The following CSMD1 variants were observed in gnomAD, a reference collection of about 807,000 sequenced individuals.
The protein encoded by CSMD1 is CUB and sushi domain-containing protein 1.
In CSMD1, 213 loss-of-function variants were observed where a neutral mutation model predicts 417.5. The ratio of observed to expected loss-of-function variants is 0.51; its 90% CI spans 0.46 to 0.57. CSMD1 has a LOEUF of 0.57. Among genes scored for constraint, CSMD1 ranks in the 20% least tolerant of loss-of-function variants. The probability of loss-of-function intolerance (pLI) is 0.00; values close to 1 mark genes in which losing one functional copy is unlikely to be tolerated. For missense variants in CSMD1, 6,923 were observed against 4,529.7 expected (o/e 1.53, Z -15.17); for synonymous variants, 2,862 against 1,736.8 (o/e 1.65, Z -16.11).
intron 3 of CSMD1, among the ~76,000 whole-genome samples, chr8:4,092,739 C>T (rs1168858834): frequency 6.6e-6 from 1 of 152,090 alleles, no homozygotes; most frequent in East Asian, 1.9e-4. Context: ...TTAACTTCCA[C>T]ATTTTCTTTA....
chr8:3,508,584 G>A (rs1478978670), intron 10 of CSMD1, among the ~76,000 whole-genome samples: 2 of 151,954 alleles, frequency 1.3e-5, no homozygotes, highest in African/African-American at 4.8e-5. Flanking sequence ...TGAATGAACT[G>A]AGACACTTAT....
chr8:3,457,432 G>T (rs529253615), intron 12 of CSMD1, among the ~76,000 whole-genome samples: 1 of 152,190 alleles, frequency 6.6e-6, no homozygotes, highest in African/African-American at 2.4e-5. Flanking sequence ...CAAGAGAAAA[G>T]CAGAAGAAAC....
chr8:3,567,349 T>C (rs929408912), intron 10 of CSMD1, among the ~76,000 whole-genome samples: 6 of 151,936 alleles, frequency 3.9e-5, no homozygotes, highest in African/African-American at 1.5e-4. Context: ...GATGAATCTG[T>C]ACAACAAACC....
intron 2 of CSMD1, among the ~76,000 whole-genome samples, chr8:4,447,752 C>G (rs1486167209): frequency 6.6e-6 from 1 of 151,252 alleles, no homozygotes; most frequent in African/African-American, 2.5e-5. Flanking sequence ...ATTTAAGACT[C>G]TTTTGCAGTT....
intron 1 of CSMD1, among the ~76,000 whole-genome samples, chr8:4,846,480 G>A (rs901226057): frequency 6.6e-6 from 1 of 152,312 alleles, no homozygotes. Context: ...GACTGAGCCT[G>A]TGACCAGCCT....
intron 3 of CSMD1, among the ~76,000 whole-genome samples, chr8:4,133,608 G>C (rs1472268246): frequency 6.6e-6 from 1 of 152,100 alleles, no homozygotes; most frequent in Non-Finnish European, 1.5e-5. Context: ...CATCTTTCAT[G>C]CTAAGCATTG....
chr8:2,996,947 T>G (rs1806949476), intron 54 of CSMD1, among the ~76,000 whole-genome samples: 1 of 152,218 alleles, frequency 6.6e-6, no homozygotes, highest in Non-Finnish European at 1.5e-5. Context: ...AAGCTGTGAT[T>G]GAAGCAAGCT....
At chr8:4,943,382 G>A (rs1808149273) in intron 1 of CSMD1, among the ~76,000 whole-genome samples, 2 of 152,086 alleles carry the variant, frequency 1.3e-5, no homozygotes, top group East Asian at 3.9e-4. Flanking sequence ...TGTAGTCCCA[G>A]TTACTCGGGA....
intron 18 of CSMD1, among the ~76,000 whole-genome samples, chr8:3,386,469 G>T: frequency 6.6e-6 from 1 of 152,204 alleles, no homozygotes; most frequent in East Asian, 1.9e-4. Flanking sequence ...CTCGGCCACA[G>T]TGCCAGTTAC....
intron 3 of CSMD1, among the ~76,000 whole-genome samples, chr8:4,133,081 G>A (rs1228711388): frequency 2.6e-5 from 4 of 152,176 alleles, no homozygotes; most frequent in East Asian, 3.9e-4. Context: ...GACTACAGGT[G>A]TACGCCACCA....
intron 12 of CSMD1, among the ~76,000 whole-genome samples, chr8:3,418,264 G>T (rs772929343): frequency 6.6e-6 from 1 of 152,122 alleles, no homozygotes; most frequent in African/African-American, 2.4e-5. Context: ...CGGGCTATAA[G>T]TAACCACAGA....
At chr8:3,996,534 G>T (rs562313808) in intron 5 of CSMD1, among the ~76,000 whole-genome samples, 1 of 152,016 alleles carries the variant, frequency 6.6e-6, no homozygotes, top group African/African-American at 2.4e-5. Flanking sequence ...GTATAACTTA[G>T]GTTATCCACC....
intron 1 of CSMD1, among the ~76,000 whole-genome samples, chr8:4,726,966 G>T (rs925822490): frequency 2.6e-5 from 4 of 152,074 alleles, no homozygotes; most frequent in African/African-American, 7.2e-5. Context: ...AAAATACATG[G>T]ATGAGATGAT....
chr8:4,460,725 T>C (rs1799763240), intron 2 of CSMD1, among the ~76,000 whole-genome samples: 1 of 152,042 alleles, frequency 6.6e-6, no homozygotes, highest in African/African-American at 2.4e-5. Context: ...AAAATACAAA[T>C]TACCCAAAAC....
At chr8:4,518,740 A>G (rs1803263901) in intron 2 of CSMD1, among the ~76,000 whole-genome samples, 1 of 152,078 alleles carries the variant, frequency 6.6e-6, no homozygotes, top group Non-Finnish European at 1.5e-5. Context: ...CGTTGTGCGC[A>G]TGTACCCTAA....
At chr8:3,856,705 G>C (rs193140587) in intron 5 of CSMD1, among the ~76,000 whole-genome samples, 2 of 152,166 alleles carry the variant, frequency 1.3e-5, no homozygotes, top group African/African-American at 4.8e-5. Flanking sequence ...GGGAAGATAG[G>C]GTATGCTGTT....
At chr8:3,909,155 C>G (rs1311321309) in intron 5 of CSMD1, among the ~76,000 whole-genome samples, 1 of 152,242 alleles carries the variant, frequency 6.6e-6, no homozygotes, top group East Asian at 1.9e-4. Flanking sequence ...GTGATTGGTC[C>G]TTTGGAGACT....
At chr8:3,332,061 C>G (rs533607859) in intron 23 of CSMD1, among the ~76,000 whole-genome samples, 2 of 152,152 alleles carry the variant, frequency 1.3e-5, no homozygotes, top group Non-Finnish European at 2.9e-5. Context: ...GATTATCAAT[C>G]AATAGATGAT....
At chr8:4,074,429 A>T (rs540131831) in intron 3 of CSMD1, among the ~76,000 whole-genome samples, 1 of 152,076 alleles carries the variant, frequency 6.6e-6, no homozygotes. Flanking sequence ...TTTTTTGTAC[A>T]TGATTATTTA....
Sources: allele counts gnomAD v4.1 joint callset (sites outside exome capture counted in the v4.1 genomes callset), GRCh38; gene constraint gnomAD v4.1.1; transcripts MANE v1.5; gene names NCBI Gene and HGNC (gene_info 2026-07-23, HGNC 2026-07-21).